Variants in FNDC7 observed in about 807,000 individuals in gnomAD.
FNDC7 encodes fibronectin type III domain containing 7, also known as fibronectin type III domain-containing protein 7.
A neutral mutation model predicts 74.2 loss-of-function variants in FNDC7; 66 were observed. The ratio of observed to expected loss-of-function variants is 0.89; its 90% CI spans 0.73 to 1.09. The LOEUF (loss-of-function observed/expected upper bound fraction) is 1.09. Among genes scored for constraint, FNDC7 ranks in the 50% least tolerant of loss-of-function variants. FNDC7 has a pLI of 0.00. For missense variants in FNDC7, 829 were observed against 893.4 expected (o/e 0.93, Z 0.92); for synonymous variants, 307 against 330.2 (o/e 0.93, Z 0.76).
intron 2 of FNDC7, among the ~76,000 whole-genome samples, chr1:108,716,683 G>A (rs1363859782): frequency 2.0e-5 from 3 of 151,982 alleles, no homozygotes; most frequent in South Asian, 2.1e-4. Context: ...TGTCTGTATC[G>A]TGCACATAGG....
chr1:108,727,732 G>A, intron 6 of FNDC7, 76 bp from the exon 7 acceptor site: 1 of 1,550,422 alleles, frequency 6.4e-7, no homozygotes, highest in East Asian at 2.2e-5. Context: ...CTGGGCATGG[G>A]AGGTCAGGAC....
At chr1:108,732,542 A>G (rs573822675) in intron 9 of FNDC7, among the ~76,000 whole-genome samples, 1 of 152,278 alleles carries the variant, frequency 6.6e-6, no homozygotes, top group African/African-American at 2.4e-5. Flanking sequence ...AAACTAGGGC[A>G]TTATGAGGGA....
In FNDC7 at chr1:108,728,675, C is replaced by T. The variant is rs779919508; in HGVS notation, c.1413C>T (p.Phe471=). 2 of 1,614,238 alleles carry T rather than the reference C, an allele frequency of 1.2e-6. No individual in the cohort carries two copies. The highest frequency in any genetic ancestry group is 1.7e-6 in the Non-Finnish European group (2 of 1,180,038). ...PEIKNVSRDA[F]SMINVHWRST... ...TAAAAAATGTTTCAAGGGATGCATT[C>T]TCCATGATTAATGTGCACTGGCGAT... The change falls in exon 8 of 13, where the codon TTC becomes TTT. Residue 471 remains phenylalanine, a synonymous_variant. Transcript: ENST00000370017.
rs1661253688 is a variant in FNDC7, at chr1:108,727,923, C to T, written c.1227C>T (p.Tyr409=). 1 of 1,614,046 alleles carries T rather than the reference C, an allele frequency of 6.2e-7. No homozygotes were observed. Among genetic ancestry groups the T allele is most frequent in the Admixed American group, 1.7e-5 (1 of 60,002 alleles). Residue 409 remains tyrosine (Y), a synonymous_variant, in exon 7 of 13, where the codon TAC becomes TAT. Coordinates refer to ENST00000370017, the MANE Select transcript of FNDC7 (RefSeq NM_001144937.3). ...ELYETKAVDG[Y]NMVECNDTTP... ...ATGAAACCAAGGCTGTAGATGGGTACAACATGGTTGAGTGCAATGACACTA... is the reference window on the plus strand; with the variant it reads ...ATGAAACCAAGGCTGTAGATGGGTATAACATGGTTGAGTGCAATGACACTA...
chr1:108,725,796 C>T lies in FNDC7; in HGVS notation c.903C>T (p.Gly301=), dbSNP rs764076233. ...TGACGATCCAAGAAGATCCCCCTGG[C>T]CACCTGTCTGTGGCTTGGTCCAGTG... is the stretch of plus-strand genomic sequence containing the variant. The part of the protein sequence containing the change: ...GRVTIQEDPP[G]HLSVAWSSVD... The change falls in exon 6 of 13, where the codon GGC becomes GGT. Residue 301 remains glycine (G), a synonymous_variant. Transcript: ENST00000370017. 7 of 1,614,166 alleles carry T rather than the reference C, an allele frequency of 4.3e-6. No homozygotes were observed. Among genetic ancestry groups the T allele is most frequent in the East Asian group, 2.2e-5 (1 of 44,882 alleles).
rs1414000946 is a variant in FNDC7 at position 108,722,337 on chromosome 1, C to T, written c.601C>T (p.Pro201Ser). 2.5e-6 allele frequency: 4 copies of T among 1,601,628 alleles called. No individual in the cohort carries two copies. In the South Asian group the frequency reaches 3.3e-5, roughly 13 times the overall value. ...TTAATTGTTTCTCTAAAATGTAGGT[C>T]CTCGGGCCCCTGCCAACATTCAAGT... ...DDSTCNQRTS[P>S]RAPANIQVSF... Residue 201 changes from proline (P) to serine (S), a missense_variant and splice_region_variant, in exon 5 of 13, where the codon CCT (proline) becomes TCT (serine). Pro to Ser is a moderately conservative substitution (Grantham distance 74). Coordinates refer to ENST00000370017, the MANE Select transcript of FNDC7 (RefSeq NM_001144937.3).
chr1:108,715,875 C>A (rs199853651), intron 2 of FNDC7, among the ~76,000 whole-genome samples: 1 of 152,158 alleles, frequency 6.6e-6, no homozygotes, highest in East Asian at 1.9e-4. Flanking sequence ...AAGTAAATAG[C>A]AGGGCCAGGG....
intron 11 of FNDC7, among the ~76,000 whole-genome samples, chr1:108,740,091 T>C (rs1381815121): frequency 6.6e-6 from 1 of 151,428 alleles, no homozygotes; most frequent in Admixed American, 6.6e-5. Flanking sequence ...GCCAGATTAT[T>C]TGAGGGTTTC....
intron 10 of FNDC7, 54 bp from the exon 11 acceptor site, chr1:108,737,441 C>A: frequency 1.4e-6 from 2 of 1,458,122 alleles, no homozygotes; most frequent in Non-Finnish European, 1.9e-6. Flanking sequence ...TCTTCACTAT[C>A]TTAAATACAT....
Position 108,741,942 on chromosome 1 carries a change from G to A in FNDC7, c.*55G>A. The stretch of plus-strand genomic sequence containing the variant: ...TCTTGCAGAGTTGTCTCATTTGTTA[G>A]TGATTAGAGATGGAAAAGATCTACT... On this transcript the variant is annotated 3_prime_UTR_variant, in exon 13 of 13. Coordinates refer to ENST00000370017, the MANE Select transcript of FNDC7 (RefSeq NM_001144937.3). 1.2e-6 allele frequency: 1 copy of A among 861,938 alleles called. No homozygotes were observed. Among genetic ancestry groups the A allele is most frequent in the Admixed American group, 2.3e-5 (1 of 42,880 alleles). The allele number at this position is 861,938 out of a possible 1,614,324, so 53.4% of individuals were successfully genotyped here. A position where few individuals can be genotyped will look rare whatever the true frequency, so the allele number is the denominator to read the frequency against.
chr1:108,725,100 A>C (rs1467127025), intron 5 of FNDC7, among the ~76,000 whole-genome samples: 1 of 151,964 alleles, frequency 6.6e-6, no homozygotes, highest in Non-Finnish European at 1.5e-5. Context: ...AATAAATAAA[A>C]TAAAAAATAA....
At chr1:108,713,569 T>G in intron 2 of FNDC7, 40 bp downstream of exon 2, 1 of 1,514,590 alleles carries the variant, frequency 6.6e-7, no homozygotes, top group Middle Eastern at 1.7e-4. Context: ...TTCTCGTATT[T>G]GATTTTAATT....
chr1:108,726,066 G>A, intron 6 of FNDC7, 62 bp downstream of exon 6: 3 of 1,576,458 alleles, frequency 1.9e-6, no homozygotes, highest in South Asian at 2.3e-5. Flanking sequence ...CAGCAGAATG[G>A]ATCACCTATT....
chr1:108,713,543 A>G lies in FNDC7; in HGVS notation c.82+14A>G, dbSNP rs761368551. On this transcript the variant is annotated intron_variant, in intron 2 of 12. Transcript: ENST00000370017. ...CAGCAAAATCAGGTACAATTTTCTG[A>G]CCTGCAAGTTTTTCCTTCTCGTATT... 1.3e-6 allele frequency: 2 copies of G among 1,540,898 alleles called. No individual in the cohort carries two copies. The highest frequency in any genetic ancestry group is 8.7e-7 in the Non-Finnish European group (1 of 1,143,998).
At position 108,730,911 on chromosome 1, in the gene FNDC7, A is replaced by G. The variant is rs1661331888; in HGVS notation, c.1862A>G (p.Tyr621Cys). 1 of 1,611,484 alleles carries G rather than the reference A, an allele frequency of 6.2e-7. No homozygotes were observed. The highest frequency in any genetic ancestry group is 8.5e-7 in the Non-Finnish European group (1 of 1,178,592). Residue 621 changes from tyrosine to cysteine, a missense_variant, in exon 9 of 13, where the codon TAC becomes TGC. Transcript: ENST00000370017. ...SATGLTADCSYQSYFSGACCP... is the reference protein window; with the variant it reads ...SATGLTADCSCQSYFSGACCP... ...ACCGGGTTGACTGCAGATTGCTCCT[A>G]CCAAAGTTATTTCTCTGGTAAGTGA...
intron 11 of FNDC7, among the ~76,000 whole-genome samples, chr1:108,738,430 T>A (rs1462435601): frequency 6.6e-6 from 1 of 152,134 alleles, no homozygotes; most frequent in Admixed American, 6.5e-5. Context: ...TGCTGCCTCA[T>A]GAGGAGTCCT....
chr1:108,733,643 T>C, intron 10 of FNDC7, 111 bp downstream of exon 10: 1 of 1,072,406 alleles, frequency 9.3e-7, no homozygotes, highest in Non-Finnish European at 1.3e-6. Flanking sequence ...GGTATAAAAT[T>C]TCTTTCTTTT....
intron 8 of FNDC7, among the ~76,000 whole-genome samples, chr1:108,729,905 A>G (rs1471759670): frequency 6.6e-6 from 1 of 152,196 alleles, no homozygotes; most frequent in Non-Finnish European, 1.5e-5. Flanking sequence ...TATTCGGGTA[A>G]TGGGTCCCTG....
chr1:108,713,541 T>C lies in FNDC7; in HGVS notation c.82+12T>C. 1 of 1,542,158 alleles carries C rather than the reference T, an allele frequency of 6.5e-7. No homozygotes were observed. The highest frequency in any genetic ancestry group is 1.2e-5 in the South Asian group (1 of 81,278). ...TTCAGCAAAATCAGGTACAATTTTC[T>C]GACCTGCAAGTTTTTCCTTCTCGTA... On this transcript the variant is annotated intron_variant, in intron 2 of 12. Transcript: ENST00000370017.
Sources: allele counts gnomAD v4.1 joint callset (sites outside exome capture counted in the v4.1 genomes callset), GRCh38; gene constraint gnomAD v4.1.1; transcripts MANE v1.5; gene names NCBI Gene and HGNC (gene_info 2026-07-23, HGNC 2026-07-21).